The following SPATA31H1 variants were observed in gnomAD, a reference collection of about 807,000 sequenced individuals.
SPATA31H1 encodes the protein spermatogenesis-associated protein 31H1.
the SPATA31H1 span, among the ~76,000 whole-genome samples, chr2:27,551,069 T>C: frequency 6.6e-6 from 1 of 151,840 alleles, no homozygotes; most frequent in South Asian, 2.1e-4. Context: ...TTTGTATTTT[T>C]AGTAGAGACA....
chr2:27,565,512 G>T, the SPATA31H1 span: 2 of 676,260 alleles, frequency 3.0e-6, no homozygotes, highest in East Asian at 5.4e-5. Flanking sequence ...GAAGAAGTGT[G>T]CCTCTTCTTT....
At chr2:27,542,562 T>C in the SPATA31H1 span, among the ~76,000 whole-genome samples, 2 of 150,938 alleles carry the variant, frequency 1.3e-5, no homozygotes, top group East Asian at 1.9e-4. Flanking sequence ...TCCATCATCA[T>C]AGAAAATTCT....
the SPATA31H1 span, among the ~76,000 whole-genome samples, chr2:27,543,419 A>T: frequency 4.6e-5 from 7 of 152,036 alleles, no homozygotes; most frequent in East Asian, 1.3e-3. Context: ...CAAGTGATGC[A>T]TGACATTTAA....
the SPATA31H1 span, among the ~76,000 whole-genome samples, chr2:27,561,077 C>T: frequency 1.3e-5 from 2 of 152,080 alleles, no homozygotes; most frequent in South Asian, 2.1e-4. Context: ...GGCACAGTGG[C>T]TCATGCACTT....
the SPATA31H1 span, among the ~76,000 whole-genome samples, chr2:27,543,547 C>CAA: frequency 3.2e-4 from 41 of 129,930 alleles, no homozygotes; most frequent in African/African-American, 9.4e-4. Flanking sequence ...ACTAGGTTGG[C>CAA]AAAAAAAAAA....
chr2:27,567,003 C>G, the SPATA31H1 span: 53 of 717,414 alleles, frequency 7.4e-5, no homozygotes, highest in Admixed American at 1.0e-3. Context: ...GTTCAGGAAC[C>G]AAGGCAGAAC....
chr2:27,542,601 CT>C, the SPATA31H1 span, among the ~76,000 whole-genome samples: 2 of 151,876 alleles, frequency 1.3e-5, no homozygotes, highest in Non-Finnish European at 2.9e-5. Context: ...AGACCTAGAT[CT>C]TGAAGACAGA....
chr2:27,565,937 G>A, the SPATA31H1 span: 6 of 696,210 alleles, frequency 8.6e-6, no homozygotes, highest in Admixed American at 1.2e-4. Flanking sequence ...ATGATCTTGG[G>A]TATAACTTCA....
the SPATA31H1 span, chr2:27,573,607 C>T: frequency 5.0e-6 from 2 of 398,512 alleles, no homozygotes; most frequent in South Asian, 2.5e-4. Flanking sequence ...GGCCCAATTT[C>T]AACATCAAAG....
At chr2:27,566,046 C>T in the SPATA31H1 span, 2 of 717,448 alleles carry the variant, frequency 2.8e-6, 1 homozygote, top group South Asian at 3.0e-5. Flanking sequence ...TCTCCCAGAT[C>T]CACAGTGGGA....
chr2:27,568,764 C>A, the SPATA31H1 span: 1 of 398,948 alleles, frequency 2.5e-6, no homozygotes, highest in South Asian at 1.3e-4. Flanking sequence ...GAAAACTCCT[C>A]AAATGGTAGA....
the SPATA31H1 span, among the ~76,000 whole-genome samples, chr2:27,541,594 G>A: frequency 1.0e-5 from 1 of 97,922 alleles, no homozygotes; most frequent in Non-Finnish European, 2.0e-5. Context: ...ACAAGATGAT[G>A]GTGTTTTTTA....
chr2:27,574,080 A>C, the SPATA31H1 span: 2 of 398,444 alleles, frequency 5.0e-6, no homozygotes, highest in Non-Finnish European at 8.9e-6. Context: ...AAGGACCAAG[A>C]TTCAAGGTGT....
At chr2:27,580,590 C>G in the SPATA31H1 span, 1 of 1,614,176 alleles carries the variant, frequency 6.2e-7, no homozygotes, top group South Asian at 1.1e-5. Flanking sequence ...TTTAAAAAGA[C>G]AACCTAAGAA....
chr2:27,538,629 C>T, the SPATA31H1 span, among the ~76,000 whole-genome samples: 4 of 151,836 alleles, frequency 2.6e-5, no homozygotes. Flanking sequence ...GTCAGGAGTT[C>T]GAGACCAGCC....
At chr2:27,571,326 C>T in the SPATA31H1 span, 1 of 398,348 alleles carries the variant, frequency 2.5e-6, no homozygotes, top group South Asian at 1.3e-4. Flanking sequence ...AGGACCATGC[C>T]TGGAAAGCAT....
chr2:27,550,479 T>C, the SPATA31H1 span, among the ~76,000 whole-genome samples: 1 of 144,482 alleles, frequency 6.9e-6, no homozygotes. Flanking sequence ...AGTGCAGTGG[T>C]GCAATCTCTG....
chr2:27,554,634 C>T, the SPATA31H1 span, among the ~76,000 whole-genome samples: 1 of 152,014 alleles, frequency 6.6e-6, no homozygotes. Flanking sequence ...AGTGCAGTGG[C>T]ATGATCTCAG....
the SPATA31H1 span, chr2:27,567,961 A>C: frequency 2.5e-6 from 1 of 399,044 alleles, no homozygotes; most frequent in Non-Finnish European, 4.4e-6. Flanking sequence ...GAAACCATGG[A>C]AACAGTGAGC....
Sources: allele counts gnomAD v4.1 joint callset (sites outside exome capture counted in the v4.1 genomes callset), GRCh38; gene constraint gnomAD v4.1.1; transcripts MANE v1.5; gene names NCBI Gene and HGNC (gene_info 2026-07-23, HGNC 2026-07-21).